The following JAM3 variants were observed in gnomAD, a reference collection of about 807,000 sequenced individuals.
JAM3 encodes junctional adhesion molecule C.
JAM3 carries 31 observed loss-of-function variants against 39.4 expected under a neutral mutation model. That is an observed-to-expected ratio of 0.79 (90% CI 0.59 to 1.06). The LOEUF is 1.06. JAM3 is among the 50% of genes least tolerant of loss of function. The pLI is 0.00. For missense variants in JAM3, 455 were observed against 391.4 expected, an observed-to-expected ratio of 1.16 and a Z score of -1.37; for synonymous variants, 182 against 148.7, an observed-to-expected ratio of 1.22 and a Z score of -1.63.
At chr11:134,086,357 T>C (rs182793679) in intron 1 of JAM3, among the ~76,000 whole-genome samples, 15 of 152,268 alleles carry the variant, frequency 9.9e-5, no homozygotes, top group Admixed American at 5.9e-4. Flanking sequence ...AAATCTATTT[T>C]CCTATATTGG....
chr11:134,113,648 A>C (rs1334875713), intron 1 of JAM3, among the ~76,000 whole-genome samples: 2 of 152,176 alleles, frequency 1.3e-5, no homozygotes, highest in African/African-American at 4.8e-5. Context: ...TGCCGCAATA[A>C]ACATCCGTGT....
chr11:134,130,959 C>T (rs188219358), intron 1 of JAM3, among the ~76,000 whole-genome samples: 2 of 152,264 alleles, frequency 1.3e-5, no homozygotes, highest in Admixed American at 1.3e-4. Flanking sequence ...GAGATTCTGG[C>T]TGGACATGTA....
intron 3 of JAM3, among the ~76,000 whole-genome samples, chr11:134,142,560 G>A (rs929435165): frequency 2.0e-5 from 3 of 152,056 alleles, no homozygotes; most frequent in African/African-American, 7.2e-5. Flanking sequence ...TCCCCTATTT[G>A]TTGTTTTCCA....
intron 1 of JAM3, among the ~76,000 whole-genome samples, chr11:134,134,185 G>C (rs1049674686): frequency 1.3e-5 from 2 of 151,842 alleles, no homozygotes; most frequent in Non-Finnish European, 2.9e-5. Context: ...CAAAACTGAA[G>C]GCACAGAGAG....
intron 1 of JAM3, among the ~76,000 whole-genome samples, chr11:134,105,369 T>A (rs1466275525): frequency 6.6e-6 from 1 of 152,172 alleles, no homozygotes; most frequent in African/African-American, 2.4e-5. Flanking sequence ...TAATAAGAGT[T>A]ATTTATGACA....
At chr11:134,144,217 T>C (rs746796075) in intron 3 of JAM3, 24 bp from the exon 4 acceptor site, 2 of 1,613,930 alleles carry the variant, frequency 1.2e-6, no homozygotes, top group Non-Finnish European at 1.7e-6. Flanking sequence ...AGAAGTTTTT[T>C]AGTGCCTCGT....
intron 1 of JAM3, among the ~76,000 whole-genome samples, chr11:134,097,379 C>A (rs535048022): frequency 6.6e-6 from 1 of 152,200 alleles, no homozygotes; most frequent in Non-Finnish European, 1.5e-5. Flanking sequence ...GCTGGCCACT[C>A]TTCTACAGCA....
At chr11:134,143,171 G>A (rs1346484491) in intron 3 of JAM3, among the ~76,000 whole-genome samples, 1 of 152,148 alleles carries the variant, frequency 6.6e-6, no homozygotes, top group East Asian at 1.9e-4. Flanking sequence ...AAAACCGACA[G>A]AGTGTTTTTC....
intron 5 of JAM3, 40 bp downstream of exon 5, chr11:134,145,034 G>GT: frequency 6.8e-7 from 1 of 1,478,760 alleles, no homozygotes; most frequent in Non-Finnish European, 9.5e-7. Context: ...AGATGTCTTT[G>GT]TTGGGGCAAG....
intron 4 of JAM3, 61 bp downstream of exon 4, chr11:134,144,454 C>T: frequency 6.3e-7 from 1 of 1,589,184 alleles, no homozygotes; most frequent in Non-Finnish European, 8.6e-7. Flanking sequence ...CAGTTAGTGT[C>T]TTGGTTTCTT....
chr11:134,129,766 C>A (rs1339537696), intron 1 of JAM3, among the ~76,000 whole-genome samples: 2 of 152,150 alleles, frequency 1.3e-5, no homozygotes, highest in East Asian at 3.9e-4. Context: ...CTTTGGGAGG[C>A]CGAGGTGGGC....
At chr11:134,133,768 C>T (rs919325135) in intron 1 of JAM3, among the ~76,000 whole-genome samples, 5 of 152,078 alleles carry the variant, frequency 3.3e-5, no homozygotes, top group African/African-American at 7.2e-5. Flanking sequence ...TAGAATCCTT[C>T]CCCCCTACAC....
chr11:134,113,542 A>G (rs1229408331), intron 1 of JAM3, among the ~76,000 whole-genome samples: 4 of 152,184 alleles, frequency 2.6e-5, no homozygotes, highest in African/African-American at 9.7e-5. Context: ...TTATGGCTGC[A>G]TAGTATTCCA....
At chr11:134,078,836 C>G (rs1462606628) in intron 1 of JAM3, among the ~76,000 whole-genome samples, 1 of 152,058 alleles carries the variant, frequency 6.6e-6, no homozygotes, top group Non-Finnish European at 1.5e-5. Context: ...GTCGGGAGTT[C>G]GAGACCAGCC....
intron 1 of JAM3, among the ~76,000 whole-genome samples, chr11:134,090,138 C>T (rs1335176392): frequency 6.6e-6 from 1 of 152,168 alleles, no homozygotes; most frequent in East Asian, 1.9e-4. Flanking sequence ...TGTCCTTTGC[C>T]CACTTTTTGA....
At chr11:134,075,590 T>C (rs1003054238) in intron 1 of JAM3, among the ~76,000 whole-genome samples, 3 of 152,072 alleles carry the variant, frequency 2.0e-5, no homozygotes, top group Non-Finnish European at 4.4e-5. Context: ...ACCTGGGTAA[T>C]TTTTTGAACA....
chr11:134,141,428 G>A (rs757565894), intron 3 of JAM3, among the ~76,000 whole-genome samples: 1 of 152,016 alleles, frequency 6.6e-6, no homozygotes, highest in African/African-American at 2.4e-5. Flanking sequence ...CACTGTTGCC[G>A]GTACATGGAC....
intron 1 of JAM3, among the ~76,000 whole-genome samples, chr11:134,134,785 G>T (rs1942833134): frequency 6.6e-6 from 1 of 152,052 alleles, no homozygotes; most frequent in African/African-American, 2.4e-5. Context: ...AACTTTTCAT[G>T]GTATATCTTC....
At chr11:134,112,701 G>T (rs1565492890) in intron 1 of JAM3, among the ~76,000 whole-genome samples, 1 of 152,122 alleles carries the variant, frequency 6.6e-6, no homozygotes, top group Non-Finnish European at 1.5e-5. Flanking sequence ...CTCACACAGA[G>T]GTCACATGGC....
Sources: allele counts gnomAD v4.1 joint callset (sites outside exome capture counted in the v4.1 genomes callset), GRCh38; gene constraint gnomAD v4.1.1; transcripts MANE v1.5; gene names NCBI Gene and HGNC (gene_info 2026-07-23, HGNC 2026-07-21).